The following MIS18A variants were observed in gnomAD, a reference collection of about 807,000 sequenced individuals.
The protein encoded by MIS18A is MIS18 kinetochore protein A.
Under a neutral mutation model 25.0 loss-of-function variants are expected in MIS18A, and 14 were observed. That is an observed-to-expected ratio of 0.56 (90% CI 0.37 to 0.88). The LOEUF (loss-of-function observed/expected upper bound fraction) is 0.88, where lower values mean the gene tolerates loss of function less well. Among genes scored for constraint, MIS18A ranks in the 40% least tolerant of loss-of-function variants. The pLI is 0.00. For missense variants in MIS18A, 292 were observed against 290.8 expected (o/e 1.00, Z -0.03); for synonymous variants, 134 against 118.6 (o/e 1.13, Z -0.84).
chr21:32,254,527 G>C, the MIS18A span, among the ~76,000 whole-genome samples: 1 of 151,300 alleles, frequency 6.6e-6, no homozygotes, highest in Non-Finnish European at 1.5e-5. Context: ...GTGAAACTCG[G>C]TCTCAAAAAA....
the MIS18A span, among the ~76,000 whole-genome samples, chr21:32,259,223 C>T: frequency 5.3e-5 from 8 of 152,088 alleles, no homozygotes; most frequent in East Asian, 1.5e-3. Context: ...CTGAGAGTGG[C>T]CAGGGGCTCG....
chr21:32,217,758 A>C, the MIS18A span, among the ~76,000 whole-genome samples: 1 of 152,172 alleles, frequency 6.6e-6, no homozygotes. Context: ...CAAGAATGTT[A>C]ACTTTCTCAT....
chr21:32,220,370 ACCTGCAGAAGAGGGT>A, the MIS18A span, among the ~76,000 whole-genome samples: 1 of 152,360 alleles, frequency 6.6e-6, no homozygotes, highest in East Asian at 1.9e-4. Context: ...ACTCCACCAG[ACCTGCAGAAGAGGGT>A]CCTGACTGTT....
the MIS18A span, among the ~76,000 whole-genome samples, chr21:32,204,012 CA>C: frequency 6.6e-6 from 1 of 151,994 alleles, no homozygotes; most frequent in African/African-American, 2.4e-5. Flanking sequence ...GAGAGGAGCA[CA>C]AGAATGTCTC....
At chr21:32,192,589 G>A in the MIS18A span, among the ~76,000 whole-genome samples, 1 of 152,178 alleles carries the variant, frequency 6.6e-6, no homozygotes, top group African/African-American at 2.4e-5. Context: ...GTCTCTCGTG[G>A]ATTCACCTCC....
chr21:32,192,298 G>A, the MIS18A span, among the ~76,000 whole-genome samples: 1 of 152,140 alleles, frequency 6.6e-6, no homozygotes, highest in Non-Finnish European at 1.5e-5. Flanking sequence ...CCTCCAACCC[G>A]ACTGCAGAAC....
At chr21:32,218,192 C>CAAAAAAA in the MIS18A span, among the ~76,000 whole-genome samples, 5 of 56,366 alleles carry the variant, frequency 8.9e-5, no homozygotes, top group Admixed American at 2.2e-4. Context: ...GACTCCATCT[C>CAAAAAAA]AAAAAAAAAA....
the MIS18A span, among the ~76,000 whole-genome samples, chr21:32,222,068 A>T: frequency 6.6e-6 from 1 of 152,110 alleles, no homozygotes; most frequent in African/African-American, 2.4e-5. Context: ...AAAGACACAT[A>T]TAGGCTCAAA....
At chr21:32,270,200 G>A (rs757411626) in intron 3 of MIS18A, among the ~76,000 whole-genome samples, 9 of 150,282 alleles carry the variant, frequency 6.0e-5, no homozygotes, top group Non-Finnish European at 1.3e-4. Flanking sequence ...TTCTCACAGT[G>A]TTTTCTCCTA....
chr21:32,270,611 A>C, intron 2 of MIS18A, 82 bp from the exon 3 acceptor site: 1 of 1,405,958 alleles, frequency 7.1e-7, no homozygotes, highest in Admixed American at 2.8e-5. Flanking sequence ...ATCCATAAAC[A>C]CCTCAGTTTC....
the MIS18A span, among the ~76,000 whole-genome samples, chr21:32,163,245 T>G: frequency 2.6e-5 from 4 of 152,162 alleles, no homozygotes; most frequent in African/African-American, 7.2e-5. Context: ...TTTGCCAAAT[T>G]TCCACTTCAT....
At chr21:32,234,833 A>T in the MIS18A span, among the ~76,000 whole-genome samples, 1 of 152,188 alleles carries the variant, frequency 6.6e-6, no homozygotes, top group Non-Finnish European at 1.5e-5. Flanking sequence ...AGCCAAGATA[A>T]AACCTCTTTT....
At chr21:32,216,692 G>A in the MIS18A span, among the ~76,000 whole-genome samples, 4,452 of 152,290 alleles carry the variant, frequency 0.029, 226 homozygotes, top group African/African-American at 0.1. Flanking sequence ...AGAAAGACCT[G>A]AGAAGGGCTG....
At chr21:32,229,756 A>G in the MIS18A span, among the ~76,000 whole-genome samples, 2 of 152,228 alleles carry the variant, frequency 1.3e-5, no homozygotes, top group Non-Finnish European at 2.9e-5. Flanking sequence ...GCGGATCAAT[A>G]TGTATTTAAT....
the MIS18A span, among the ~76,000 whole-genome samples, chr21:32,191,702 A>G: frequency 2.0e-5 from 3 of 152,168 alleles, no homozygotes; most frequent in Admixed American, 1.3e-4. Flanking sequence ...TCAGGAGTTC[A>G]AGACCAGCCT....
At chr21:32,254,040 G>A in the MIS18A span, among the ~76,000 whole-genome samples, 1 of 151,346 alleles carries the variant, frequency 6.6e-6, no homozygotes, top group East Asian at 2.0e-4. Context: ...TTCGAGACCA[G>A]CCTGTCCAAT....
At chr21:32,179,318 T>C in the MIS18A span, among the ~76,000 whole-genome samples, 3,801 of 152,288 alleles carry the variant, frequency 0.025, 148 homozygotes, top group African/African-American at 0.085. Context: ...GGCTTCCTTC[T>C]TGGGATTCTT....
the MIS18A span, among the ~76,000 whole-genome samples, chr21:32,259,203 A>C: frequency 0.012 from 1,773 of 152,180 alleles, 31 homozygotes; most frequent in Non-Finnish European, 0.013. Flanking sequence ...AGCCTCAGGC[A>C]ATGCCCACCC....
At chr21:32,253,154 GC>G in the MIS18A span, among the ~76,000 whole-genome samples, 9,304 of 152,086 alleles carry the variant, frequency 0.061, 345 homozygotes, top group Middle Eastern at 0.12. Context: ...TGCAGATGGT[GC>G]CCCCCCGCAC....
Sources: gnomAD v4.1 joint callset for allele counts (sites outside exome capture counted in the v4.1 genomes callset) on GRCh38, gnomAD v4.1.1 for gene constraint, MANE v1.5 for transcripts, NCBI Gene and HGNC (gene_info 2026-07-23, HGNC 2026-07-21) for gene names.